Variants in SMPD3 observed in about 807,000 individuals in gnomAD.
SMPD3 encodes the protein sphingomyelin phosphodiesterase 3.
A neutral mutation model predicts 55.7 loss-of-function variants in SMPD3; 21 were observed. The ratio of observed to expected loss-of-function variants is 0.38; its 90% CI spans 0.27 to 0.54. The LOEUF is 0.54. Ranked by LOEUF, SMPD3 falls within the 20% of genes least tolerant of loss-of-function variation. The pLI is 0.80. For synonymous variants in SMPD3, 457 were observed against 404.3 expected (o/e 1.13, Z -1.56); for missense variants, 842 against 899.6 (o/e 0.94, Z 0.82).
rs2089020027 is a variant in SMPD3 at position 68,358,832 on chromosome 16, C to T, written c.*2374G>A. 6.6e-6 allele frequency: 1 copy of T among 152,460 alleles called. No homozygotes were observed. The highest frequency in any genetic ancestry group is 1.5e-5 in the Non-Finnish European group (1 of 68,076). 9.4% of individuals were successfully genotyped at this position (152,460 alleles called of 1,614,324 possible). A position where few individuals can be genotyped will look rare whatever the true frequency, so the allele number is the denominator to read the frequency against. On this transcript the variant is annotated 3_prime_UTR_variant, in exon 9 of 9. Transcript: ENST00000219334. ...GAATCTGAGATCCAGCAATGGTTCA[C>T]TTTAAAAAATCAGTGGAAGGGCCTG...
chr16:68,387,320 C>G (rs539792937), intron 1 of SMPD3, among the ~76,000 whole-genome samples: 1 of 152,116 alleles, frequency 6.6e-6, no homozygotes, highest in Non-Finnish European at 1.5e-5. Flanking sequence ...TTGGAGGAGA[C>G]AGCTGGGAGG....
At chr16:68,361,400 G>T in intron 8 of SMPD3, 93 bp from the exon 9 acceptor site, 17 of 1,390,288 alleles carry the variant, frequency 1.2e-5, no homozygotes, top group Admixed American at 1.9e-5. Context: ...TGAGGCCCCG[G>T]GGCTGGGGTG....
At chr16:68,419,591 T>C (rs1328109602) in intron 1 of SMPD3, among the ~76,000 whole-genome samples, 1 of 152,210 alleles carries the variant, frequency 6.6e-6, no homozygotes, top group Non-Finnish European at 1.5e-5. Flanking sequence ...CTCCAGAGTT[T>C]TGGTAAGAGA....
At chr16:68,403,095 G>T (rs1007370900) in intron 1 of SMPD3, among the ~76,000 whole-genome samples, 3 of 152,206 alleles carry the variant, frequency 2.0e-5, no homozygotes, top group Non-Finnish European at 4.4e-5. Context: ...ATGTGATGTG[G>T]CTCCCTCCTT....
At chr16:68,381,023 A>G (rs1310867561) in intron 2 of SMPD3, among the ~76,000 whole-genome samples, 1 of 152,246 alleles carries the variant, frequency 6.6e-6, no homozygotes. Flanking sequence ...AAAGTTTTCT[A>G]TGCAAAGAAC....
intron 1 of SMPD3, among the ~76,000 whole-genome samples, chr16:68,430,691 T>C (rs532200106): frequency 1.3e-5 from 2 of 152,266 alleles, no homozygotes; most frequent in East Asian, 3.9e-4. Context: ...TGGAAGAGAA[T>C]TTGGAAACAC....
intron 1 of SMPD3, among the ~76,000 whole-genome samples, chr16:68,427,072 C>T (rs1597663508): frequency 1.4e-5 from 2 of 147,306 alleles, no homozygotes; most frequent in Admixed American, 6.8e-5. Flanking sequence ...TCTCGGCTCA[C>T]TGCAACCTCC....
At chr16:68,393,336 CA>C (rs1244507396) in intron 1 of SMPD3, among the ~76,000 whole-genome samples, 2 of 151,960 alleles carry the variant, frequency 1.3e-5, no homozygotes, top group Admixed American at 6.6e-5. Context: ...CCCAGGAGGT[CA>C]ATGTTGCAGT....
chr16:68,365,174 C>T, intron 3 of SMPD3, 82 bp from the exon 4 acceptor site: 6 of 1,422,560 alleles, frequency 4.2e-6, no homozygotes, highest in Admixed American at 1.8e-5. Flanking sequence ...GCCCACCCAC[C>T]CATGAGGTCA....
chr16:68,446,703 C>T (rs1267605319), intron 1 of SMPD3, among the ~76,000 whole-genome samples: 1 of 152,158 alleles, frequency 6.6e-6, no homozygotes, highest in Non-Finnish European at 1.5e-5. Flanking sequence ...GCTGATGGGG[C>T]GTGGGAGGGT....
At chr16:68,385,582 C>A (rs1400070255) in intron 2 of SMPD3, among the ~76,000 whole-genome samples, 2 of 152,184 alleles carry the variant, frequency 1.3e-5, no homozygotes, top group African/African-American at 2.4e-5. Flanking sequence ...CACCTTGGAT[C>A]CCCAAATCTC....
rs143769323 is a variant in SMPD3, at chr16:68,438,750, C to G, written c.-269+9603G>C. 5.9e-5 allele frequency among the ~76,000 whole-genome samples: 9 copies of G among 152,256 alleles called. No homozygotes were observed. In the East Asian group the frequency reaches 1.7e-3, roughly 29 times the overall value. On this transcript the variant is annotated intron_variant, in intron 1 of 8. Transcript: ENST00000219334. ...TCCATATTGTACCCATGCTTGAAGACCAAGCATAAGACTTCTCCACAAGTT... is the reference window on the plus strand; with the variant it reads ...TCCATATTGTACCCATGCTTGAAGAGCAAGCATAAGACTTCTCCACAAGTT...
chr16:68,437,312 T>C (rs1005217083), intron 1 of SMPD3, among the ~76,000 whole-genome samples: 2 of 152,372 alleles, frequency 1.3e-5, no homozygotes, highest in Admixed American at 6.5e-5. Flanking sequence ...TTTATTGTTA[T>C]CATTCTGATT....
chr16:68,393,993 CAGA>C (rs1252553654), intron 1 of SMPD3, among the ~76,000 whole-genome samples: 1 of 152,180 alleles, frequency 6.6e-6, no homozygotes, highest in Non-Finnish European at 1.5e-5. Flanking sequence ...TTACCAATTT[CAGA>C]AGAACATATC....
intron 5 of SMPD3, 71 bp downstream of exon 5, chr16:68,364,678 GTC>G: frequency 5.3e-6 from 8 of 1,500,002 alleles, no homozygotes; most frequent in Non-Finnish European, 7.2e-6. Context: ...GCCTAACGAA[GTC>G]TGTCTAGCTG....
chr16:68,429,286 G>T (rs1316674763), intron 1 of SMPD3, among the ~76,000 whole-genome samples: 1 of 152,228 alleles, frequency 6.6e-6, no homozygotes, highest in African/African-American at 2.4e-5. Flanking sequence ...TGTAATAGGG[G>T]CTGCCAGAGC....
chr16:68,433,375 G>C (rs948239838), intron 1 of SMPD3, among the ~76,000 whole-genome samples: 1 of 152,222 alleles, frequency 6.6e-6, no homozygotes, highest in African/African-American at 2.4e-5. Flanking sequence ...ACCTGCATCT[G>C]TCATTCCTTC....
chr16:68,410,601 T>C (rs1179337101), intron 1 of SMPD3, among the ~76,000 whole-genome samples: 1 of 152,230 alleles, frequency 6.6e-6, no homozygotes, highest in Non-Finnish European at 1.5e-5. Flanking sequence ...TAAAAAGCTG[T>C]AAGTGCAGAG....
At chr16:68,436,437 C>A (rs2090523899) in intron 1 of SMPD3, among the ~76,000 whole-genome samples, 1 of 152,132 alleles carries the variant, frequency 6.6e-6, no homozygotes, top group Non-Finnish European at 1.5e-5. Flanking sequence ...CTCCTCCTTC[C>A]ATATTACCAC....
Sources: gnomAD v4.1 joint callset for allele counts (sites outside exome capture counted in the v4.1 genomes callset) on GRCh38, gnomAD v4.1.1 for gene constraint, MANE v1.5 for transcripts, NCBI Gene and HGNC (gene_info 2026-07-23, HGNC 2026-07-21) for gene names.